OPRM1: variants seen among roughly 807,000 people sequenced by gnomAD.
OPRM1 encodes opioid receptor mu 1.
A neutral mutation model predicts 31.8 loss-of-function variants in OPRM1; 27 were observed. The observed-to-expected ratio is 0.85, with a 90% CI of 0.63 to 1.17. The LOEUF (loss-of-function observed/expected upper bound fraction) is 1.17, where lower values mean the gene tolerates loss of function less well. Ranked by LOEUF, OPRM1 falls within the 50% of genes most tolerant of loss-of-function variation. OPRM1 has a pLI of 0.00. For synonymous variants in OPRM1, 196 were observed against 189.9 expected, an observed-to-expected ratio of 1.03 and a Z score of -0.26; for missense variants, 536 against 511.1, an observed-to-expected ratio of 1.05 and a Z score of -0.47.
At chr6:154,070,388 C>G (rs187803236) in intron 1 of OPRM1, among the ~76,000 whole-genome samples, 1 of 152,190 alleles carries the variant, frequency 6.6e-6, no homozygotes, top group Admixed American at 6.5e-5. Flanking sequence ...CAGTTTTTAT[C>G]TAGATGGGGA....
chr6:154,192,631 C>T, intron 3 of OPRM1, among the ~76,000 whole-genome samples: 1 of 144,476 alleles, frequency 6.9e-6, no homozygotes, highest in East Asian at 2.2e-4. Context: ...GGACCAATAT[C>T]CAGAATCTAC....
At chr6:154,093,693 G>A (rs1283118396) in intron 3 of OPRM1, among the ~76,000 whole-genome samples, 1 of 152,226 alleles carries the variant, frequency 6.6e-6, no homozygotes, top group Admixed American at 6.5e-5. Context: ...CGAATTGGTT[G>A]CTGTCCCAAA....
intron 3 of OPRM1, among the ~76,000 whole-genome samples, chr6:154,153,505 G>A (rs1798599227): frequency 1.3e-5 from 2 of 152,236 alleles, no homozygotes; most frequent in South Asian, 2.1e-4. Flanking sequence ...CCAACACGGC[G>A]AAGTCCCGTC....
chr6:154,065,236 A>G (rs1172822439), intron 1 of OPRM1, among the ~76,000 whole-genome samples: 1 of 140,254 alleles, frequency 7.1e-6, no homozygotes, highest in African/African-American at 2.7e-5. Flanking sequence ...TGCAACCTCC[A>G]CCTCCCGGGT....
chr6:154,206,069 C>A (rs1177986229), intron 3 of OPRM1, among the ~76,000 whole-genome samples: 1 of 152,022 alleles, frequency 6.6e-6, no homozygotes, highest in East Asian at 1.9e-4. Flanking sequence ...TTCATGGCAC[C>A]CCCATATTGG....
chr6:154,157,134 A>T (rs1562513930), intron 3 of OPRM1: 1 of 152,210 alleles, frequency 6.6e-6, no homozygotes, highest in Non-Finnish European at 1.5e-5. Flanking sequence ...TATTCTTTGG[A>T]CCAGAAAAGT....
intron 3 of OPRM1, among the ~76,000 whole-genome samples, chr6:154,171,099 C>T (rs1323822160): frequency 6.6e-6 from 1 of 152,128 alleles, no homozygotes; most frequent in African/African-American, 2.4e-5. Context: ...TGTGCCCCAG[C>T]AATTACACTC....
rs1009359060 is a variant in OPRM1 at position 154,061,808 on chromosome 6, C to T, written c.290+21974C>T. On this transcript the variant is annotated intron_variant, in intron 1 of 3. Coordinates refer to ENST00000330432, the MANE Select transcript of OPRM1 (RefSeq NM_000914.5). The stretch of plus-strand genomic sequence containing the variant: ...TGTAATAAACCTGCACATGTACTCC[C>T]TAAAAAAAAATAATAGTTGGAAAAA... Among the ~76,000 whole-genome samples the T allele has an allele frequency of 9.9e-4, 148 of 149,018 alleles. No homozygotes were observed. In the Middle Eastern group the frequency reaches 0.017, roughly 17 times the overall value.
chr6:154,194,137 T>A (rs1169575022), intron 3 of OPRM1, among the ~76,000 whole-genome samples: 1 of 152,162 alleles, frequency 6.6e-6, no homozygotes, highest in African/African-American at 2.4e-5. Flanking sequence ...CGGTGGCTCA[T>A]GCCTGTAATC....
chr6:154,237,845 T>C (rs930268449), intron 3 of OPRM1, among the ~76,000 whole-genome samples: 2 of 150,332 alleles, frequency 1.3e-5, no homozygotes, highest in African/African-American at 4.9e-5. Flanking sequence ...TTAATATTTA[T>C]ACACATACAT....
intron 3 of OPRM1, among the ~76,000 whole-genome samples, chr6:154,117,892 A>AT (rs1562487941): frequency 2.3e-4 from 12 of 53,112 alleles, no homozygotes; most frequent in Admixed American, 1.8e-3. Flanking sequence ...TGTGTGTATG[A>AT]GAGAGAAAAA....
chr6:154,022,377 C>T (rs751481561), intron 1 of OPRM1, among the ~76,000 whole-genome samples: 45 of 133,758 alleles, frequency 3.4e-4, no homozygotes, highest in Admixed American at 6.2e-4. Context: ...CTCTGCTCCA[C>T]GCCCCGTGGC....
rs1411454715 is a variant in OPRM1 at position 154,128,908 on chromosome 6, A to C, written c.*10187A>C. On this transcript the variant is annotated 3_prime_UTR_variant, in exon 4 of 4. Transcript: ENST00000330432. ...AAACAGGAAATTAATGTTAAATTGG[A>C]TCTATAAACATAAGTCAATTTGGCT... Among the ~76,000 whole-genome samples, 4 of 151,726 alleles carry C rather than the reference A, an allele frequency of 2.6e-5. No individual in the cohort carries two copies. Among genetic ancestry groups the C allele is most frequent in the Non-Finnish European group, 5.9e-5 (4 of 68,016 alleles).
At chr6:154,239,598 G>T (rs539090353) in intron 3 of OPRM1, among the ~76,000 whole-genome samples, 1 of 152,288 alleles carries the variant, frequency 6.6e-6, no homozygotes, top group South Asian at 2.1e-4. Flanking sequence ...GTCCAGACAT[G>T]TCAACATTCC....
chr6:154,039,598 G>A lies in OPRM1; in HGVS notation c.54G>A (p.Ala18=), dbSNP rs766687181. ...CCAGCAATTGCACTGATGCCTTGGC[G>A]TACTCAAGTTGCTCCCCAGCACCCA... The part of the protein sequence containing the change: ...TNASNCTDAL[A]YSSCSPAPSP... The change falls in exon 1 of 4, where the codon GCG becomes GCA. Residue 18 remains alanine (A), a synonymous_variant. Transcript: ENST00000330432. 4.3e-6 allele frequency: 7 copies of A among 1,613,722 alleles called. No individual in the cohort carries two copies. The highest frequency in any genetic ancestry group is 1.3e-5 in the African/African-American group (1 of 74,934).
chr6:154,153,218 G>T (rs958531980), intron 3 of OPRM1, among the ~76,000 whole-genome samples: 2 of 152,172 alleles, frequency 1.3e-5, no homozygotes, highest in African/African-American at 4.8e-5. Context: ...GGTCCACGGG[G>T]ACTCAGCAGG....
chr6:154,036,733 AT>A (rs976787242), upstream of OPRM1, among the ~76,000 whole-genome samples: 8 of 151,970 alleles, frequency 5.3e-5, no homozygotes, highest in African/African-American at 1.4e-4. Context: ...AGATTGTTTT[AT>A]TTTTATTTTA....
intron 1 of OPRM1, among the ~76,000 whole-genome samples, chr6:154,082,562 G>T (rs1789411737): frequency 6.6e-6 from 1 of 152,074 alleles, no homozygotes; most frequent in African/African-American, 2.4e-5. Context: ...CTTCTTTGTT[G>T]TTCCTTCCGT....
intron 3 of OPRM1, among the ~76,000 whole-genome samples, chr6:154,180,952 C>T (rs1015615805): frequency 9.9e-5 from 15 of 151,996 alleles, no homozygotes; most frequent in Admixed American, 4.6e-4. Context: ...AAGAAAAGAC[C>T]GTGGAAGGCA....
Sources: allele counts gnomAD v4.1 joint callset (sites outside exome capture counted in the v4.1 genomes callset), GRCh38; gene constraint gnomAD v4.1.1; transcripts MANE v1.5; gene names NCBI Gene and HGNC (gene_info 2026-07-23, HGNC 2026-07-21).